PRKN: variants seen among roughly 807,000 people sequenced by gnomAD.
The protein encoded by PRKN is parkin RBR E3 ubiquitin protein ligase.
PRKN carries 56 observed loss-of-function variants against 59.5 expected under a neutral mutation model. The observed-to-expected ratio is 0.94, with a 90% CI of 0.76 to 1.18. The LOEUF is 1.18. PRKN is among the 50% of genes most tolerant of loss of function. The probability of loss-of-function intolerance (pLI) is 0.00; values close to 1 mark genes in which losing one functional copy is unlikely to be tolerated. For synonymous variants in PRKN, 250 were observed against 222.1 expected (o/e 1.13, Z -1.12); for missense variants, 657 against 596.4 (o/e 1.10, Z -1.06).
At chr6:161,653,934 A>T (rs1420273694) in intron 7 of PRKN, among the ~76,000 whole-genome samples, 2 of 152,174 alleles carry the variant, frequency 1.3e-5, no homozygotes, top group African/African-American at 2.4e-5. Context: ...TGCCTAGCAC[A>T]AAACAGAACT....
At chr6:161,543,085 C>T (rs1012561285) in intron 9 of PRKN, among the ~76,000 whole-genome samples, 1 of 152,092 alleles carries the variant, frequency 6.6e-6, no homozygotes, top group Non-Finnish European at 1.5e-5. Context: ...AAGAGCTTCA[C>T]ATCTATTTGT....
chr6:162,083,111 C>T (rs939226767), intron 4 of PRKN, among the ~76,000 whole-genome samples: 9 of 151,970 alleles, frequency 5.9e-5, no homozygotes, highest in African/African-American at 1.7e-4. Context: ...CCTGCCAACA[C>T]GCCCACCCAG....
At chr6:161,676,379 C>T (rs1562600289) in intron 7 of PRKN, among the ~76,000 whole-genome samples, 1 of 152,224 alleles carries the variant, frequency 6.6e-6, no homozygotes, top group East Asian at 1.9e-4. Context: ...CAGCCATTTC[C>T]TAGCCAGCTA....
chr6:161,618,434 T>G (rs887143630), intron 7 of PRKN, among the ~76,000 whole-genome samples: 2 of 152,032 alleles, frequency 1.3e-5, no homozygotes, highest in Non-Finnish European at 2.9e-5. Flanking sequence ...ATGTCCAAAT[T>G]TTTTTTTGCT....
intron 10 of PRKN, among the ~76,000 whole-genome samples, chr6:161,384,981 G>A (rs1247710205): frequency 6.6e-6 from 1 of 152,202 alleles, no homozygotes; most frequent in Non-Finnish European, 1.5e-5. Flanking sequence ...CCAGGCTGGA[G>A]TGCAGTGGTG....
intron 6 of PRKN, among the ~76,000 whole-genome samples, chr6:161,948,714 T>G (rs570339351): frequency 4.6e-5 from 7 of 152,032 alleles, no homozygotes; most frequent in Non-Finnish European, 7.4e-5. Flanking sequence ...ACAGAAAGAT[T>G]TGGAACTTGC....
chr6:161,432,807 T>A (rs1453404738), intron 9 of PRKN, among the ~76,000 whole-genome samples: 2 of 152,156 alleles, frequency 1.3e-5, no homozygotes, highest in African/African-American at 4.8e-5. Flanking sequence ...AAATATTTTA[T>A]CAAGAGATGC....
At chr6:162,555,409 A>G (rs964236475) in intron 1 of PRKN, among the ~76,000 whole-genome samples, 3 of 152,196 alleles carry the variant, frequency 2.0e-5, no homozygotes, top group Non-Finnish European at 4.4e-5. Context: ...AATAAAATTA[A>G]TGAAAATGAG....
chr6:162,245,741 T>C (rs1583259859), intron 3 of PRKN, among the ~76,000 whole-genome samples: 1 of 152,122 alleles, frequency 6.6e-6, no homozygotes, highest in Non-Finnish European at 1.5e-5. Flanking sequence ...TTGGTTTTGC[T>C]TGGAGCACAG....
At chr6:161,542,736 C>G (rs916812874) in intron 9 of PRKN, among the ~76,000 whole-genome samples, 3 of 152,152 alleles carry the variant, frequency 2.0e-5, no homozygotes, top group Non-Finnish European at 2.9e-5. Context: ...ATTCCAGTCT[C>G]TATGTGCTGG....
intron 7 of PRKN, among the ~76,000 whole-genome samples, chr6:161,702,732 A>C (rs1312634322): frequency 6.6e-6 from 1 of 152,226 alleles, no homozygotes; most frequent in Non-Finnish European, 1.5e-5. Context: ...ATAAAACAAT[A>C]ATTAGAAGAT....
intron 7 of PRKN, among the ~76,000 whole-genome samples, chr6:161,620,668 A>C (rs1782863138): frequency 6.6e-6 from 1 of 152,130 alleles, no homozygotes; most frequent in African/African-American, 2.4e-5. Context: ...TAAGACTCCA[A>C]CTTCTAGAGT....
intron 7 of PRKN, among the ~76,000 whole-genome samples, chr6:161,643,718 T>C (rs879182609): frequency 1.3e-5 from 2 of 152,216 alleles, no homozygotes; most frequent in Admixed American, 1.3e-4. Flanking sequence ...AAAAATTATC[T>C]GAATCTTGAG....
intron 7 of PRKN, among the ~76,000 whole-genome samples, chr6:161,694,479 C>T (rs1053434238): frequency 2.0e-5 from 3 of 151,974 alleles, no homozygotes; most frequent in African/African-American, 7.3e-5. Flanking sequence ...ATGAAATAAC[C>T]CTACCCCTCT....
intron 5 of PRKN, among the ~76,000 whole-genome samples, chr6:162,037,211 G>C (rs962970206): frequency 5.3e-5 from 8 of 152,162 alleles, no homozygotes; most frequent in African/African-American, 1.9e-4. Flanking sequence ...GTCTAAGGAA[G>C]ATCACTAATG....
chr6:162,446,587 A>C (rs1410442431), intron 1 of PRKN, among the ~76,000 whole-genome samples: 2 of 152,246 alleles, frequency 1.3e-5, no homozygotes, highest in Non-Finnish European at 2.9e-5. Flanking sequence ...ACGGATATGA[A>C]TATTTTTAAC....
intron 2 of PRKN, among the ~76,000 whole-genome samples, chr6:162,360,346 A>G (rs1270396084): frequency 6.6e-6 from 1 of 152,184 alleles, no homozygotes; most frequent in African/African-American, 2.4e-5. Context: ...TACTTGGACA[A>G]TGCCACATTC....
intron 9 of PRKN, among the ~76,000 whole-genome samples, chr6:161,524,598 C>G (rs1778952872): frequency 6.6e-6 from 1 of 152,020 alleles, no homozygotes; most frequent in Non-Finnish European, 1.5e-5. Context: ...TAGTTAAAAC[C>G]AAAAATAGTT....
intron 1 of PRKN, among the ~76,000 whole-genome samples, chr6:162,544,351 C>T (rs1268016756): frequency 6.6e-6 from 1 of 152,060 alleles, no homozygotes; most frequent in Non-Finnish European, 1.5e-5. Flanking sequence ...CAGAGGAATG[C>T]TCATAGCACA....
Sources: allele counts gnomAD v4.1 joint callset (sites outside exome capture counted in the v4.1 genomes callset), GRCh38; gene constraint gnomAD v4.1.1; transcripts MANE v1.5; gene names NCBI Gene and HGNC (gene_info 2026-07-23, HGNC 2026-07-21).